A1CF: variants seen among roughly 807,000 people sequenced by gnomAD.
A1CF encodes APOBEC-1 stimulating protein.
A neutral mutation model predicts 68.9 loss-of-function variants in A1CF; 48 were observed. The ratio of observed to expected loss-of-function variants is 0.70; its 90% CI spans 0.55 to 0.89. The LOEUF is 0.89. Among genes scored for constraint, A1CF ranks in the 40% least tolerant of loss-of-function variants. The pLI, the probability that A1CF is intolerant of heterozygous loss-of-function variation, is 0.00. For synonymous variants in A1CF, 272 were observed against 260.4 expected (o/e 1.04, Z -0.43); for missense variants, 653 against 718.9 (o/e 0.91, Z 1.05).
chr10:50,851,668 C>T (rs931899544), intron 3 of A1CF, among the ~76,000 whole-genome samples: 2 of 152,068 alleles, frequency 1.3e-5, no homozygotes, highest in African/African-American at 4.8e-5. Flanking sequence ...GTTAGCAGGG[C>T]CTGAAGAGGT....
intron 7 of A1CF, among the ~76,000 whole-genome samples, chr10:50,825,493 C>A (rs1359350154): frequency 6.6e-6 from 1 of 152,120 alleles, no homozygotes; most frequent in Non-Finnish European, 1.5e-5. Context: ...TGAAGAAATT[C>A]ATTTAATTTT....
intron 1 of A1CF, among the ~76,000 whole-genome samples, chr10:50,879,164 A>C (rs1389891932): frequency 6.6e-6 from 1 of 152,214 alleles, no homozygotes; most frequent in Non-Finnish European, 1.5e-5. Context: ...AGGTTGGTGG[A>C]GCTGCTATTT....
At position 50,809,880 on chromosome 10, in the gene A1CF, C is replaced by T. The variant is rs1564492434; in HGVS notation, c.1609+14G>A. On this transcript the variant is annotated intron_variant, in intron 12 of 12. Coordinates refer to ENST00000373997, the MANE Select transcript of A1CF (RefSeq NM_014576.4). ...TCTCTGCAGGGCGCCATTTCTGGCA[C>T]AATTTTCCCATACCTGGGAAAGCAG... 3 of 1,613,634 alleles carry T rather than the reference C, an allele frequency of 1.9e-6. No individual in the cohort carries two copies. The highest frequency in any genetic ancestry group is 1.7e-6 in the Non-Finnish European group (2 of 1,179,774).
rs1285335370 is a variant in A1CF, at chr10:50,799,654, T to C, written c.*7075A>G. 6.6e-6 allele frequency: 1 copy of C among 152,146 alleles called. No homozygotes were observed. Among genetic ancestry groups the C allele is most frequent in the African/African-American group, 2.4e-5 (1 of 41,448 alleles). 9.4% of individuals were successfully genotyped at this position (152,146 alleles called of 1,614,324 possible). A position where few individuals can be genotyped will look rare whatever the true frequency, so the allele number is the denominator to read the frequency against. On this transcript the variant is annotated 3_prime_UTR_variant, in exon 13 of 13. Transcript: ENST00000373997. Reference sequence around the variant, plus strand: ...CATTGTACTAAAGTACAAAAATAAGTGCTTTATGCACACTTTTTAATACTG... The same window carrying C: ...CATTGTACTAAAGTACAAAAATAAGCGCTTTATGCACACTTTTTAATACTG...
Position 50,828,148 on chromosome 10 carries a change from AATTCCT to A in A1CF, c.746_751del (p.Lys249_Phe251delinsIle). On this transcript the variant is annotated inframe_deletion, in exon 7 of 13. Transcript: ENST00000373997. ...TGTCCTACCTGGTTTGATATTGTTG[AATTCCT>A]TTTCAATCATCTCTTCAGAGGTAGA... 6.3e-7 allele frequency: 1 copy of A among 1,588,214 alleles called. No homozygotes were observed. The highest frequency in any genetic ancestry group is 2.3e-5 in the East Asian group (1 of 44,366).
At chr10:50,809,653 C>T (rs905178452) in intron 12 of A1CF, among the ~76,000 whole-genome samples, 4 of 152,136 alleles carry the variant, frequency 2.6e-5, no homozygotes, top group African/African-American at 9.7e-5. Context: ...CTGACTCATT[C>T]AAGATCACAC....
At position 50,828,108 on chromosome 10, in the gene A1CF, C is replaced by A. The variant is rs369759854; in HGVS notation, c.769+23G>T. The A allele has an allele frequency of 2.2e-5, 33 of 1,501,348 alleles. No homozygotes were observed. In the African/African-American group the frequency reaches 4.5e-4, roughly 21 times the overall value. The allele number at this position is 1,501,348 out of a possible 1,614,324, so 93.0% of individuals were successfully genotyped here. On this transcript the variant is annotated intron_variant, in intron 7 of 12. Transcript: ENST00000373997. ...CCAGGACAAAGAATGTTTTGAAAAA[C>A]TAATCTTGTATATATGTCCTACCTG...
chr10:50,849,265 C>T (rs1840130314), intron 3 of A1CF, among the ~76,000 whole-genome samples: 1 of 152,282 alleles, frequency 6.6e-6, no homozygotes, highest in African/African-American at 2.4e-5. Flanking sequence ...AGTTTGTTCA[C>T]CTTCACATCT....
At chr10:50,850,851 C>A (rs556825129) in intron 3 of A1CF, 1 of 1,551,566 alleles carries the variant, frequency 6.4e-7, no homozygotes, top group East Asian at 2.3e-5. Flanking sequence ...ATTCCTTAAT[C>A]CGTTTGGAGC....
intron 1 of A1CF, among the ~76,000 whole-genome samples, chr10:50,876,789 G>C (rs1474898932): frequency 6.6e-6 from 1 of 152,138 alleles, no homozygotes; most frequent in Non-Finnish European, 1.5e-5. Context: ...CAATCCCATA[G>C]AATAAATCTC....
chr10:50,820,982 G>T (rs1798097180), intron 7 of A1CF, among the ~76,000 whole-genome samples: 1 of 152,040 alleles, frequency 6.6e-6, no homozygotes. Context: ...GAATTGAGTT[G>T]AACTCAATTA....
At chr10:50,884,166 A>C (rs185422494) in intron 1 of A1CF, among the ~76,000 whole-genome samples, 2 of 152,186 alleles carry the variant, frequency 1.3e-5, no homozygotes, top group African/African-American at 4.8e-5. Context: ...TAGTGTAGGA[A>C]ATGTTGATAT....
chr10:50,872,992 A>G (rs1312649542), intron 1 of A1CF, among the ~76,000 whole-genome samples: 2 of 112,920 alleles, frequency 1.8e-5, no homozygotes, highest in African/African-American at 3.6e-5. Context: ...ATCTCGCTCT[A>G]TCACCCAGGC....
At chr10:50,817,294 G>A (rs1038597331) in intron 8 of A1CF, among the ~76,000 whole-genome samples, 2 of 152,170 alleles carry the variant, frequency 1.3e-5, no homozygotes, top group African/African-American at 4.8e-5. Context: ...ACACTTTTAT[G>A]TAAAGTGTTT....
At chr10:50,876,996 A>G (rs1841544651) in intron 1 of A1CF, among the ~76,000 whole-genome samples, 1 of 152,228 alleles carries the variant, frequency 6.6e-6, no homozygotes, top group South Asian at 2.1e-4. Flanking sequence ...TCAGACTACT[A>G]CAGGTGACTG....
chr10:50,870,060 A>C (rs1049504860), intron 1 of A1CF, among the ~76,000 whole-genome samples: 1 of 151,846 alleles, frequency 6.6e-6, no homozygotes, highest in African/African-American at 2.4e-5. Context: ...TTTTGAGGGT[A>C]CATGTGATAA....
chr10:50,803,395 G>T lies in A1CF; in HGVS notation c.*3334C>A, dbSNP rs905339095. The T allele has an allele frequency of 6.6e-6, 1 of 152,080 alleles. No homozygotes were observed. The highest frequency in any genetic ancestry group is 2.4e-5 in the African/African-American group (1 of 41,378). 9.4% of individuals were successfully genotyped at this position (152,080 alleles called of 1,614,324 possible). ...TGGGGTTATAGGCATGGGCCACTGTGCCAGATATTTTTTGAAATCCATATT... is the reference window on the plus strand; with the variant it reads ...TGGGGTTATAGGCATGGGCCACTGTTCCAGATATTTTTTGAAATCCATATT... On this transcript the variant is annotated 3_prime_UTR_variant, in exon 13 of 13. Transcript: ENST00000373997.
chr10:50,839,382 T>C (rs985516862), intron 5 of A1CF, among the ~76,000 whole-genome samples: 6 of 152,206 alleles, frequency 3.9e-5, no homozygotes, highest in African/African-American at 1.4e-4. Context: ...CTTCCAATTC[T>C]GGAAATCATA....
chr10:50,837,072 A>G (rs1839536307), intron 5 of A1CF, among the ~76,000 whole-genome samples: 1 of 152,138 alleles, frequency 6.6e-6, no homozygotes, highest in Non-Finnish European at 1.5e-5. Context: ...CCAAAGAGAA[A>G]AGCTGTTCTG....
Sources: allele counts gnomAD v4.1 joint callset (sites outside exome capture counted in the v4.1 genomes callset), GRCh38; gene constraint gnomAD v4.1.1; transcripts MANE v1.5; gene names NCBI Gene and HGNC (gene_info 2026-07-23, HGNC 2026-07-21).